The following PRRC2B variants were observed in gnomAD, a reference collection of about 807,000 sequenced individuals.
PRRC2B encodes protein PRRC2B.
In PRRC2B, 68 loss-of-function variants were observed where a neutral mutation model predicts 242.3. That is an observed-to-expected ratio of 0.28 (90% CI 0.23 to 0.34). The LOEUF (loss-of-function observed/expected upper bound fraction) is 0.34, where lower values mean the gene tolerates loss of function less well. Among genes scored for constraint, PRRC2B ranks in the 10% least tolerant of loss-of-function variants. The probability of loss-of-function intolerance (pLI) is 1.00; values close to 1 mark genes in which losing one functional copy is unlikely to be tolerated. For synonymous variants in PRRC2B, 1,228 were observed against 1,173.6 expected, an observed-to-expected ratio of 1.05 and a Z score of -0.95; for missense variants, 2,835 against 2,954.8, an observed-to-expected ratio of 0.96 and a Z score of 0.94.
At chr9:131,457,524 C>G (rs1339587904) in intron 10 of PRRC2B, among the ~76,000 whole-genome samples, 1 of 152,166 alleles carries the variant, frequency 6.6e-6, no homozygotes, top group Non-Finnish European at 1.5e-5. Context: ...GGTTGGTGAC[C>G]TGGTAGAGAC....
intron 1 of PRRC2B, among the ~76,000 whole-genome samples, chr9:131,384,269 T>C (rs1345357345): frequency 1.4e-5 from 2 of 145,752 alleles, no homozygotes; most frequent in African/African-American, 2.7e-5. Context: ...AATTTTTGTA[T>C]GTATGTATGT....
intron 1 of PRRC2B, among the ~76,000 whole-genome samples, chr9:131,402,002 G>A (rs977279644): frequency 1.4e-5 from 2 of 138,966 alleles, no homozygotes; most frequent in African/African-American, 5.5e-5. Flanking sequence ...ACAGAGTCTC[G>A]TTATGTCTCC....
intron 1 of PRRC2B, among the ~76,000 whole-genome samples, chr9:131,380,497 T>TGAACCCGGGAGGCGGAG (rs1836741654): frequency 6.6e-6 from 1 of 150,748 alleles, no homozygotes; most frequent in African/African-American, 2.4e-5. Context: ...GAGAATCCCT[T>TGAACCCGGGAGGCGGAG]GAACCCGGGA....
rs987751216 is a variant in PRRC2B, at chr9:131,499,209, C to G, written c.*3335C>G. On this transcript the variant is annotated 3_prime_UTR_variant, in exon 32 of 32. Transcript: ENST00000683519. ...TCACCCTCCTATCTTCTGGATCTGC[C>G]TTCGCGATGGTCAGTGACAGCTTCT... The G allele has an allele frequency of 1.7e-4, 26 of 152,184 alleles. No individual in the cohort carries two copies. The highest frequency in any genetic ancestry group is 6.0e-4 in the African/African-American group (25 of 41,426). 9.4% of individuals were successfully genotyped at this position (152,184 alleles called of 1,614,324 possible).
intron 1 of PRRC2B, among the ~76,000 whole-genome samples, chr9:131,426,364 AAAG>A (rs1837977808): frequency 6.6e-6 from 1 of 151,368 alleles, no homozygotes; most frequent in Non-Finnish European, 1.5e-5. Context: ...AAAAAAAGAA[AAAG>A]AAAAAAAGAA....
chr9:131,431,174 A>G (rs1194237713), intron 2 of PRRC2B, among the ~76,000 whole-genome samples: 1 of 151,822 alleles, frequency 6.6e-6, no homozygotes, highest in African/African-American at 2.4e-5. Context: ...TCTGTCATGC[A>G]GGGTGGAGTG....
intron 28 of PRRC2B, among the ~76,000 whole-genome samples, chr9:131,488,418 TGTGC>T: frequency 1.3e-5 from 2 of 152,238 alleles, no homozygotes; most frequent in African/African-American, 4.8e-5. Context: ...TGTGTGCCAC[TGTGC>T]CTGGCTAATT....
At chr9:131,426,335 C>T (rs1474673984) in intron 1 of PRRC2B, among the ~76,000 whole-genome samples, 4 of 24,228 alleles carry the variant, frequency 1.7e-4, no homozygotes, top group Non-Finnish European at 3.1e-4. Flanking sequence ...GAAACTCTGT[C>T]TCAAAAAAAA....
Position 131,474,961 on chromosome 9 carries a change from A to T in PRRC2B, c.2832A>T (p.Lys944Asn). The T allele has an allele frequency of 6.3e-7, 1 of 1,597,386 alleles. No homozygotes were observed. The highest frequency in any genetic ancestry group is 8.5e-7 in the Non-Finnish European group (1 of 1,172,338). Residue 944 changes from lysine to asparagine, a missense_variant, in exon 16 of 32, where the codon AAA (lysine) becomes AAT (asparagine). Around this residue, in one of 7 missense-constraint regions of PRRC2B, gnomAD observed 1,536 missense variants for 1,483.1 expected, o/e 1.04. Transcript: ENST00000683519. ...GRTRRSGPIK[K>N]PVLKALKVED... ...CCCGGAGGTCGGGACCCATCAAGAAACCAGTCCTGAAAGCCCTCAAGGTGG... is the reference window on the plus strand; with the variant it reads ...CCCGGAGGTCGGGACCCATCAAGAATCCAGTCCTGAAAGCCCTCAAGGTGG...
intron 1 of PRRC2B, among the ~76,000 whole-genome samples, chr9:131,395,780 C>T (rs1281181037): frequency 6.6e-6 from 1 of 152,188 alleles, no homozygotes; most frequent in Non-Finnish European, 1.5e-5. Context: ...AGTGCTGAGC[C>T]TCTCGGGAGG....
At chr9:131,471,033 G>GGT (rs776661473) in intron 14 of PRRC2B, 50 bp downstream of exon 14, 4 of 1,344,286 alleles carry the variant, frequency 3.0e-6, no homozygotes, top group Non-Finnish European at 2.1e-6. Context: ...AGGATAGCGT[G>GGT]GTGGTCAAGG....
At chr9:131,442,300 T>G (rs1189191963) in intron 5 of PRRC2B, among the ~76,000 whole-genome samples, 1 of 152,082 alleles carries the variant, frequency 6.6e-6, no homozygotes, top group South Asian at 2.1e-4. Flanking sequence ...GCCCGGCTAA[T>G]TTTTGTGATT....
intron 18 of PRRC2B, among the ~76,000 whole-genome samples, 164 bp downstream of exon 18, chr9:131,478,783 A>G (rs908131788): frequency 3.3e-5 from 5 of 152,124 alleles, no homozygotes; most frequent in African/African-American, 9.7e-5. Flanking sequence ...TCCTGCTATT[A>G]CCAAGGCCCT....
At chr9:131,481,504 G>A (rs192939874) in intron 19 of PRRC2B, among the ~76,000 whole-genome samples, 36 of 151,992 alleles carry the variant, frequency 2.4e-4, no homozygotes, top group Admixed American at 1.6e-3. Context: ...TGAGAAACAC[G>A]TTGGGTGAGG....
chr9:131,414,255 C>CATATGTT (rs1211936111), intron 1 of PRRC2B, among the ~76,000 whole-genome samples: 2 of 150,730 alleles, frequency 1.3e-5, no homozygotes, highest in East Asian at 2.0e-4. Flanking sequence ...ATCGAGAAAT[C>CATATGTT]AGTGTTAGGT....
At chr9:131,393,451 A>T (rs1489143179), upstream of PRRC2B, among the ~76,000 whole-genome samples, 1 of 152,232 alleles carries the variant, frequency 6.6e-6, no homozygotes, top group Non-Finnish European at 1.5e-5. Flanking sequence ...TTTTGCAATC[A>T]CACAAACACA....
intron 5 of PRRC2B, among the ~76,000 whole-genome samples, chr9:131,440,121 G>C (rs2131340471): frequency 6.6e-6 from 1 of 152,216 alleles, no homozygotes; most frequent in African/African-American, 2.4e-5. Context: ...TGCTCAGGCT[G>C]GTCTCCAACT....
Position 131,470,823 on chromosome 9 carries a change from G to A in PRRC2B, c.1947G>A (p.Val649=), listed in dbSNP as rs377610763. The A allele has an allele frequency of 2.5e-6, 4 of 1,612,454 alleles. No individual in the cohort carries two copies. In the East Asian group the frequency reaches 6.7e-5, roughly 27 times the overall value. ...ACAAGATGCAGCACTGGCAGCCGGT[G>A]TACCCCCCGCCGTCCCACCCCCAGC... is the stretch of plus-strand genomic sequence containing the variant. The part of the protein sequence containing the change: ...QLYKMQHWQP[V]YPPPSHPQRT... Residue 649 remains valine (V), a synonymous_variant, in exon 14 of 32, where the codon GTG becomes GTA. Transcript: ENST00000683519.
chr9:131,457,982 G>C (rs1943131669), intron 10 of PRRC2B, among the ~76,000 whole-genome samples: 1 of 152,046 alleles, frequency 6.6e-6, no homozygotes, highest in African/African-American at 2.4e-5. Flanking sequence ...GCTTTTCTCT[G>C]ATCTGCAGTA....
Sources: gnomAD v4.1 joint callset for allele counts (sites outside exome capture counted in the v4.1 genomes callset) on GRCh38, gnomAD v4.1.1 for gene constraint, gnomAD v4.1.1 regional missense constraint, MANE v1.5 for transcripts, NCBI Gene and HGNC (gene_info 2026-07-23, HGNC 2026-07-21) for gene names.